Variants in SMG1 observed in about 807,000 individuals in gnomAD.
SMG1 encodes the protein SMG1 nonsense mediated mRNA decay associated PI3K related kinase.
Under a neutral mutation model 419.9 loss-of-function variants are expected in SMG1, and 22 were observed. The ratio of observed to expected loss-of-function variants is 0.05; its 90% CI spans 0.04 to 0.07. The LOEUF (loss-of-function observed/expected upper bound fraction) is 0.07, where lower values mean the gene tolerates loss of function less well. Among genes scored for constraint, SMG1 ranks in the 10% least tolerant of loss-of-function variants. The probability of loss-of-function intolerance (pLI) is 1.00; values close to 1 mark genes in which losing one functional copy is unlikely to be tolerated. For missense variants in SMG1, 3,185 were observed against 4,342.0 expected, an observed-to-expected ratio of 0.73 and a Z score of 7.49; for synonymous variants, 1,538 against 1,553.5, an observed-to-expected ratio of 0.99 and a Z score of 0.23.
At chr16:18,921,379 A>C (rs1281377988) in intron 1 of SMG1, among the ~76,000 whole-genome samples, 1 of 152,078 alleles carries the variant, frequency 6.6e-6, no homozygotes, top group Non-Finnish European at 1.5e-5. Flanking sequence ...GAAAAACATA[A>C]AAACAAACGT....
chr16:18,830,202 T>A lies in SMG1; in HGVS notation c.8943+17A>T. On this transcript the variant is annotated intron_variant, in intron 52 of 62. Coordinates refer to ENST00000446231, the MANE Select transcript of SMG1 (RefSeq NM_015092.5). ...TTATGGCACTTGCATTATTTTTAAA[T>A]CCAAGTCCACATTTACCTTTTCAAC... The A allele has an allele frequency of 6.2e-7, 1 of 1,613,142 alleles. No homozygotes were observed. Among genetic ancestry groups the A allele is most frequent in the Non-Finnish European group, 8.5e-7 (1 of 1,179,348 alleles).
At chr16:18,906,191 A>C (rs1197838902) in intron 1 of SMG1, among the ~76,000 whole-genome samples, 3 of 152,058 alleles carry the variant, frequency 2.0e-5, no homozygotes, top group Non-Finnish European at 4.4e-5. Context: ...ACCAACAAAA[A>C]AAAAGGTACC....
At chr16:18,810,510 T>C (rs906719192) in intron 62 of SMG1, among the ~76,000 whole-genome samples, 3 of 152,174 alleles carry the variant, frequency 2.0e-5, no homozygotes, top group Admixed American at 2.0e-4. Context: ...ATGACCATTT[T>C]TTACCTCACC....
chr16:18,915,235 A>G (rs1384684792), intron 1 of SMG1, among the ~76,000 whole-genome samples: 2 of 151,976 alleles, frequency 1.3e-5, no homozygotes, highest in Non-Finnish European at 2.9e-5. Context: ...GGCCTCCCAA[A>G]TTGCTGAGAT....
chr16:18,842,060 A>C, intron 40 of SMG1, 148 bp downstream of exon 40: 1 of 932,624 alleles, frequency 1.1e-6, no homozygotes. Flanking sequence ...CTGCCGTTCA[A>C]AAGCACATAA....
chr16:18,849,846 C>T, intron 35 of SMG1, 103 bp downstream of exon 35: 1 of 1,145,238 alleles, frequency 8.7e-7, no homozygotes, highest in South Asian at 1.6e-5. Context: ...TCTGGCTATT[C>T]TTTTTACACA....
rs1405697410 is a variant in SMG1, at chr16:18,872,421, C to G, written c.2021+73G>C. ...GCAAGTCCAAAGTTAAATCAACATA[C>G]ATCTTTAAAATCTATCCATTAAAAA... On this transcript the variant is annotated intron_variant, in intron 14 of 62. Coordinates refer to ENST00000446231, the MANE Select transcript of SMG1 (RefSeq NM_015092.5). 11 of 1,474,690 alleles carry G rather than the reference C, an allele frequency of 7.5e-6. No homozygotes were observed. In the African/African-American group the frequency reaches 1.3e-4, roughly 17 times the overall value. The allele number at this position is 1,474,690 out of a possible 1,614,324, so 91.4% of individuals were successfully genotyped here. A position where few individuals can be genotyped will look rare whatever the true frequency, so the allele number is the denominator to read the frequency against.
chr16:18,861,880 TTGAC>T (rs1185627235), intron 25 of SMG1, among the ~76,000 whole-genome samples: 1 of 152,152 alleles, frequency 6.6e-6, no homozygotes, highest in Non-Finnish European at 1.5e-5. Context: ...TATAGCAACT[TTGAC>T]TGCTTTCCTT....
intron 39 of SMG1, among the ~76,000 whole-genome samples, chr16:18,844,005 T>C (rs1033756987): frequency 3.3e-5 from 4 of 122,082 alleles, no homozygotes; most frequent in Non-Finnish European, 1.9e-5. Context: ...TTTTCTATGA[T>C]TATACACACA....
intron 54 of SMG1, 94 bp from the exon 55 acceptor site, chr16:18,828,262 G>GA (rs2032900863): frequency 1.6e-5 from 21 of 1,282,756 alleles, no homozygotes; most frequent in Middle Eastern, 2.4e-4. Flanking sequence ...TGGCGGAAGA[G>GA]AAAAAAATCC....
At chr16:18,885,728 T>G (rs1286452604) in intron 6 of SMG1, 62 bp from the exon 7 acceptor site, 1 of 1,497,172 alleles carries the variant, frequency 6.7e-7, no homozygotes, top group East Asian at 2.3e-5. Flanking sequence ...ACAAGCAAAT[T>G]AGGTTCATTA....
chr16:18,886,028 G>A (rs546759704), intron 6 of SMG1, among the ~76,000 whole-genome samples: 48 of 152,164 alleles, frequency 3.2e-4, no homozygotes, highest in Non-Finnish European at 6.0e-4. Flanking sequence ...AACAAATACT[G>A]TTTTCTCTTC....
chr16:18,879,009 C>CAAAAAAAAA (rs1274431004), intron 11 of SMG1: 1 of 199,420 alleles, frequency 5.0e-6, no homozygotes, highest in Non-Finnish European at 1.0e-5. Context: ...GACCCTGTCT[C>CAAAAAAAAA]AAAAAAAAAT....
intron 55 of SMG1, among the ~76,000 whole-genome samples, chr16:18,820,105 A>T (rs543905956): frequency 2.6e-4 from 39 of 152,242 alleles, no homozygotes; most frequent in African/African-American, 7.9e-4. Flanking sequence ...AGCTGGGACT[A>T]CAGGCACCTG....
chr16:18,887,711 T>G (rs1476912642), intron 6 of SMG1, among the ~76,000 whole-genome samples: 2 of 131,898 alleles, frequency 1.5e-5, no homozygotes, highest in East Asian at 2.2e-4. Context: ...TCCTTATATT[T>G]CCTTTATATT....
chr16:18,896,821 G>A lies in SMG1; in HGVS notation c.228C>T (p.Val76=). Residue 76 remains valine (V), a synonymous_variant, in exon 2 of 63, where the codon GTC becomes GTT. Transcript: ENST00000446231. The part of the protein sequence containing the change: ...VSRQRHDDTR[V]HADIQNDEKG... Reference sequence around the variant, plus strand: ...TTTCGTCATTCTGTATGTCAGCGTGGACTCTGGTATCATCGTGCCTTTGCC... The same window carrying A: ...TTTCGTCATTCTGTATGTCAGCGTGAACTCTGGTATCATCGTGCCTTTGCC... 6.2e-7 allele frequency: 1 copy of A among 1,609,012 alleles called. No homozygotes were observed. The highest frequency in any genetic ancestry group is 8.5e-7 in the Non-Finnish European group (1 of 1,177,940).
At position 18,830,344 on chromosome 16, in the gene SMG1, A is replaced by T; in HGVS notation, c.8818T>A (p.Leu2940Ile). 1 of 1,614,020 alleles carries T rather than the reference A, an allele frequency of 6.2e-7. No homozygotes were observed. Among genetic ancestry groups the T allele is most frequent in the Non-Finnish European group, 8.5e-7 (1 of 1,179,888 alleles). The change falls in exon 52 of 63, where the codon TTA becomes ATA. Residue 2940 changes from leucine (L) to isoleucine (I), a missense_variant. Coordinates refer to ENST00000446231, the MANE Select transcript of SMG1 (RefSeq NM_015092.5). ...ARLLHAQYGE[L>I]IQPRNGSVDE... The stretch of plus-strand genomic sequence containing the variant: ...ACTGAACCATTTCTCGGTTGGATTA[A>T]TTCACCGTACTGAGCATGTAGTAGT...
chr16:18,821,217 G>GTTTTTTTTTTTTTTTTTTTT (rs2032501770), intron 55 of SMG1, among the ~76,000 whole-genome samples: 1 of 31,736 alleles, frequency 3.2e-5, no homozygotes, highest in African/African-American at 1.1e-4. Context: ...TATTTAGTAT[G>GTTTTTTTTTTTTTTTTTTTT]TTTCTTTTTT....
At chr16:18,845,733 CA>C in intron 38 of SMG1, 82 bp from the exon 39 acceptor site, 1 of 1,009,996 alleles carries the variant, frequency 9.9e-7, no homozygotes. Context: ...TTCAATATAT[CA>C]ATTGTTAAGT....
Sources: gnomAD v4.1 joint callset for allele counts (sites outside exome capture counted in the v4.1 genomes callset) on GRCh38, gnomAD v4.1.1 for gene constraint, MANE v1.5 for transcripts, NCBI Gene and HGNC (gene_info 2026-07-23, HGNC 2026-07-21) for gene names.